Variants in USP6NL observed in about 807,000 individuals in gnomAD.
The protein encoded by USP6NL is USP6 N-terminal like.
In USP6NL, 26 loss-of-function variants were observed where a neutral mutation model predicts 61.9. That is an observed-to-expected ratio of 0.42 (90% CI 0.31 to 0.58). The LOEUF is 0.58. Among genes scored for constraint, USP6NL ranks in the 20% least tolerant of loss-of-function variants. The probability of loss-of-function intolerance (pLI) is 0.16; values close to 1 mark genes in which losing one functional copy is unlikely to be tolerated. For missense variants in USP6NL, 1,114 were observed against 1,034.3 expected, an observed-to-expected ratio of 1.08 and a Z score of -1.06; for synonymous variants, 432 against 390.1, an observed-to-expected ratio of 1.11 and a Z score of -1.27.
At chr10:11,530,267 T>G (rs1220797146) in intron 2 of USP6NL, among the ~76,000 whole-genome samples, 1 of 152,166 alleles carries the variant, frequency 6.6e-6, no homozygotes, top group Non-Finnish European at 1.5e-5. Context: ...TACCAGTCCC[T>G]TAATCCTGCT....
chr10:11,508,693 G>A (rs2076239149), intron 6 of USP6NL, among the ~76,000 whole-genome samples: 1 of 152,202 alleles, frequency 6.6e-6, no homozygotes, highest in African/African-American at 2.4e-5. Context: ...GAGCAGTGAC[G>A]AGACGGGAAG....
At chr10:11,573,602 C>A (rs1409006231) in intron 2 of USP6NL, 1 of 398,726 alleles carries the variant, frequency 2.5e-6, no homozygotes, top group East Asian at 3.6e-5. Flanking sequence ...TCTGCTAATC[C>A]TACCTTCCTT....
rs920073902 is a variant in USP6NL at position 11,499,286 on chromosome 10, G to C, written c.384+1815C>G. 6.6e-6 allele frequency among the ~76,000 whole-genome samples: 1 copy of C among 152,156 alleles called. No individual in the cohort carries two copies. Among genetic ancestry groups the C allele is most frequent in the African/African-American group, 2.4e-5 (1 of 41,442 alleles). Reference sequence around the variant, plus strand: ...TTGATGACAGTGTTGAAAATCATAGGCTTGAAGGTACTGGCAGGCAAGTCA... The same window carrying C: ...TTGATGACAGTGTTGAAAATCATAGCCTTGAAGGTACTGGCAGGCAAGTCA... On this transcript the variant is annotated intron_variant, in intron 7 of 14. Coordinates refer to ENST00000609104, the MANE Select transcript of USP6NL (RefSeq NM_014688.5). The surrounding 1 kb of genome is among the most constrained non-coding windows in gnomAD (Gnocchi z 4.5).
intron 2 of USP6NL, among the ~76,000 whole-genome samples, chr10:11,559,146 T>G (rs1263364223): frequency 6.6e-6 from 1 of 152,180 alleles, no homozygotes; most frequent in African/African-American, 2.4e-5. Context: ...TAGGGGTGTG[T>G]GTGTACCCAG....
At chr10:11,555,084 C>T (rs1446939296) in intron 2 of USP6NL, among the ~76,000 whole-genome samples, 24 of 132,938 alleles carry the variant, frequency 1.8e-4, no homozygotes, top group African/African-American at 6.9e-4. Context: ...AGCCACCGCG[C>T]CTGGCCTGTT....
At position 11,485,513 on chromosome 10, in the gene USP6NL, A is replaced by G. The variant is rs114093684; in HGVS notation, c.760-279T>C. Among the ~76,000 whole-genome samples the G allele has an allele frequency of 5.2e-4, 79 of 152,300 alleles. No individual in the cohort carries two copies. Among genetic ancestry groups the G allele is most frequent in the African/African-American group, 1.8e-3 (73 of 41,580 alleles). ...AACGAGTTTCTGTGACCCTGAAAAA[A>G]TATTTTTTGTACAATGAAAAAACCT... On this transcript the variant is annotated intron_variant, in intron 11 of 14. Transcript: ENST00000609104. The surrounding 1 kb of genome is among the most constrained non-coding windows in gnomAD (Gnocchi z 4.8).
chr10:11,591,510 T>C lies in USP6NL; in HGVS notation c.4+6121A>G, dbSNP rs531271257. Among the ~76,000 whole-genome samples, 4 of 152,284 alleles carry C rather than the reference T, an allele frequency of 2.6e-5. No homozygotes were observed. The South Asian group carries it at 8.3e-4, about 32-fold the overall frequency. On this transcript the variant is annotated intron_variant, in intron 2 of 14. Transcript: ENST00000609104. The surrounding 1 kb of genome is among the most constrained non-coding windows in gnomAD (Gnocchi z 4.7). Reference sequence around the variant, plus strand: ...TAATTCAGAAGCTTTACTAAGCTTATACTACTATAGTAATTTACATTTATG... The same window carrying C: ...TAATTCAGAAGCTTTACTAAGCTTACACTACTATAGTAATTTACATTTATG...
intron 5 of USP6NL, among the ~76,000 whole-genome samples, chr10:11,517,386 A>C (rs1835002258): frequency 6.6e-6 from 1 of 152,072 alleles, no homozygotes. Flanking sequence ...CACCTGCACT[A>C]CCACTGCATT....
At position 11,520,234 on chromosome 10, in the gene USP6NL, C is replaced by T. The variant is rs1341869801; in HGVS notation, c.156-1660G>A. Among the ~76,000 whole-genome samples, 1 of 152,086 alleles carries T rather than the reference C, an allele frequency of 6.6e-6. No individual in the cohort carries two copies. Among genetic ancestry groups the T allele is most frequent in the East Asian group, 1.9e-4 (1 of 5,188 alleles). ...TGAGAAAACGATTCTCAAGAAGAAA[C>T]GAAACTGGTTACAAATAAAAAAGTC... On this transcript the variant is annotated intron_variant, in intron 4 of 14. Coordinates refer to ENST00000609104, the MANE Select transcript of USP6NL (RefSeq NM_014688.5). The surrounding 1 kb of genome is among the most constrained non-coding windows in gnomAD (Gnocchi z 5.2).
At chr10:11,517,888 A>G (rs1835023924) in intron 5 of USP6NL, among the ~76,000 whole-genome samples, 1 of 152,188 alleles carries the variant, frequency 6.6e-6, no homozygotes, top group Non-Finnish European at 1.5e-5. Context: ...TTTCTGGTAC[A>G]GAAACAGTGG....
chr10:11,485,966 A>G lies in USP6NL; in HGVS notation c.665-55T>C. On this transcript the variant is annotated intron_variant, in intron 10 of 14. Coordinates refer to ENST00000609104, the MANE Select transcript of USP6NL (RefSeq NM_014688.5). This position sits in a 1 kb window ranked among gnomAD's most constrained non-coding sequence, Gnocchi z 4.8. ...ATAAACAATACCAACAAAACCCTCCAATCTTAAAACACAACATATTTCATT... is the reference window on the plus strand; with the variant it reads ...ATAAACAATACCAACAAAACCCTCCGATCTTAAAACACAACATATTTCATT... The G allele has an allele frequency of 1.7e-6, 2 of 1,193,100 alleles. No individual in the cohort carries two copies. Among genetic ancestry groups the G allele is most frequent in the Non-Finnish European group, 1.2e-6 (1 of 855,034 alleles). 73.9% of individuals were successfully genotyped at this position (1,193,100 alleles called of 1,614,324 possible). A position where few individuals can be genotyped will look rare whatever the true frequency, so the allele number is the denominator to read the frequency against.
Position 11,482,772 on chromosome 10 carries a change from A to C in USP6NL, c.926-850T>G, listed in dbSNP as rs1253970185. Among the ~76,000 whole-genome samples, 1 of 152,234 alleles carries C rather than the reference A, an allele frequency of 6.6e-6. No individual in the cohort carries two copies. Among genetic ancestry groups the C allele is most frequent in the Non-Finnish European group, 1.5e-5 (1 of 68,044 alleles). ...TCCAGTAACAACGTATTTTTAAGACAATCAGTAAGAAAAAAAAGAAAAAGG... is the reference window on the plus strand; with the variant it reads ...TCCAGTAACAACGTATTTTTAAGACCATCAGTAAGAAAAAAAAGAAAAAGG... On this transcript the variant is annotated intron_variant, in intron 13 of 14. Transcript: ENST00000609104. This position sits in a 1 kb window ranked among gnomAD's most constrained non-coding sequence, Gnocchi z 4.0.
In USP6NL at chr10:11,532,905, A is replaced by G. The variant is rs963575029; in HGVS notation, c.5-5338T>C. On this transcript the variant is annotated intron_variant, in intron 2 of 14. Coordinates refer to ENST00000609104, the MANE Select transcript of USP6NL (RefSeq NM_014688.5). The surrounding 1 kb of genome is among the most constrained non-coding windows in gnomAD (Gnocchi z 4.1). ...AATGTCTCATGAAACAATATGTACT[A>G]CAAGTACTGTAAGATGGCACTACAA... Among the ~76,000 whole-genome samples, 1 of 152,236 alleles carries G rather than the reference A, an allele frequency of 6.6e-6. No individual in the cohort carries two copies. Among genetic ancestry groups the G allele is most frequent in the African/African-American group, 2.4e-5 (1 of 41,458 alleles).
chr10:11,583,920 T>C (rs542785886), intron 2 of USP6NL, among the ~76,000 whole-genome samples: 6 of 152,208 alleles, frequency 3.9e-5, no homozygotes, highest in African/African-American at 1.2e-4. Context: ...TCCCGGCTAC[T>C]TCAGAGGCTG....
chr10:11,522,334 C>A (rs1835243715), intron 4 of USP6NL, among the ~76,000 whole-genome samples: 1 of 152,118 alleles, frequency 6.6e-6, no homozygotes, highest in South Asian at 2.1e-4. Flanking sequence ...TTACAAAGAA[C>A]TAAGACAGTA....
rs1833783183 is a variant in USP6NL at position 11,493,376 on chromosome 10, G to A, written c.385-148C>T. The A allele has an allele frequency of 3.7e-5, 24 of 644,210 alleles. No individual in the cohort carries two copies. In the South Asian group the frequency reaches 4.9e-4, roughly 13 times the overall value. 39.9% of individuals were successfully genotyped at this position (644,210 alleles called of 1,614,324 possible). On this transcript the variant is annotated intron_variant, in intron 7 of 14. Transcript: ENST00000609104. ...AAATCAAAACTATATATACAAAAAGGTACACAATAGAAACTTTCCCTCCCC... is the reference window on the plus strand; with the variant it reads ...AAATCAAAACTATATATACAAAAAGATACACAATAGAAACTTTCCCTCCCC...
intron 2 of USP6NL, among the ~76,000 whole-genome samples, chr10:11,541,693 C>A (rs963714854): frequency 6.6e-6 from 1 of 152,064 alleles, no homozygotes; most frequent in Non-Finnish European, 1.5e-5. Flanking sequence ...CCTAGATGTG[C>A]ACAGATCTTA....
chr10:11,566,587 C>G (rs1481399563), intron 2 of USP6NL, among the ~76,000 whole-genome samples: 6 of 152,208 alleles, frequency 3.9e-5, no homozygotes, highest in African/African-American at 1.4e-4. Flanking sequence ...GATTCGAGAG[C>G]TGAACTCGGG....
In USP6NL at chr10:11,495,184, TCTCA is replaced by T. The variant is rs1833867452; in HGVS notation, c.385-1960_385-1957del. 1.4e-5 allele frequency among the ~76,000 whole-genome samples: 2 copies of T among 146,724 alleles called. No individual in the cohort carries two copies. Among genetic ancestry groups the T allele is most frequent in the African/African-American group, 5.0e-5 (2 of 39,724 alleles). ...TTCGCACTCTTGTCTTCTGGTCACT[TCTCA>T]CTGTGTCCCCTCAGCTCCTATCTCT... On this transcript the variant is annotated intron_variant, in intron 7 of 14. Transcript: ENST00000609104. This position sits in a 1 kb window ranked among gnomAD's most constrained non-coding sequence, Gnocchi z 4.6.
Sources: gnomAD v4.1 joint callset for allele counts (sites outside exome capture counted in the v4.1 genomes callset) on GRCh38, gnomAD v4.1.1 for gene constraint, Gnocchi (gnomAD v3.1) non-coding constraint, MANE v1.5 for transcripts, NCBI Gene and HGNC (gene_info 2026-07-23, HGNC 2026-07-21) for gene names.